Variants in MOBP observed in about 807,000 individuals in gnomAD.
MOBP encodes myelin-associated oligodendrocyte basic protein.
MOBP carries 5 observed loss-of-function variants against 15.0 expected under a neutral mutation model. The ratio of observed to expected loss-of-function variants is 0.33; its 90% confidence interval spans 0.17 to 0.70. The LOEUF (loss-of-function observed/expected upper bound fraction) is 0.70. Among genes scored for constraint, MOBP ranks in the 30% least tolerant of loss-of-function variants. The pLI is 0.67. For missense variants in MOBP, 188 were observed against 257.8 expected (o/e 0.73, Z 1.85); for synonymous variants, 88 against 99.0 (o/e 0.89, Z 0.66).
At position 39,479,825 on chromosome 3, in the gene MOBP, T is replaced by C. The variant is rs536477704; in HGVS notation, c.-88-215T>C. ...GGACATATAGCTTTTTTTTTTTCTGTATAATGTTAAGGCGGTTATTAAAAG... is the reference window on the plus strand; with the variant it reads ...GGACATATAGCTTTTTTTTTTTCTGCATAATGTTAAGGCGGTTATTAAAAG... On this transcript the variant is annotated intron_variant, in intron 1 of 3. Coordinates refer to ENST00000684792, the MANE Select transcript of MOBP (RefSeq NM_001393704.1). 3.9e-5 allele frequency among the ~76,000 whole-genome samples: 6 copies of C among 151,906 alleles called. 1 individual carries two copies. The South Asian group carries it at 1.0e-3, about 26-fold the overall frequency.
intron 4 of MOBP, among the ~76,000 whole-genome samples, chr3:39,511,102 G>A (rs983280182): frequency 1.3e-5 from 2 of 152,190 alleles, no homozygotes; most frequent in African/African-American, 4.8e-5. Flanking sequence ...AATACTATTA[G>A]AATTACTATG....
intron 1 of MOBP, among the ~76,000 whole-genome samples, chr3:39,473,866 G>A (rs1226773369): frequency 1.3e-5 from 2 of 152,186 alleles, no homozygotes; most frequent in South Asian, 2.1e-4. Flanking sequence ...TGTAATAAGG[G>A]TGCTTGAGAG....
chr3:39,502,382 G>C lies in MOBP; in HGVS notation c.206+107G>C. On this transcript the variant is annotated intron_variant, in intron 3 of 3. Coordinates refer to ENST00000684792, the MANE Select transcript of MOBP (RefSeq NM_001393704.1). This position sits in a 1 kb window ranked among gnomAD's most constrained non-coding sequence, Gnocchi z 6.3. Reference sequence around the variant, plus strand: ...CCCACTCTTCCCCCTAGTCGGCTCCGGGTTAGGCTCCGACACCGGAAGGCA... The same window carrying C: ...CCCACTCTTCCCCCTAGTCGGCTCCCGGTTAGGCTCCGACACCGGAAGGCA... 6.4e-7 allele frequency: 1 copy of C among 1,552,014 alleles called. No individual in the cohort carries two copies. Among genetic ancestry groups the C allele is most frequent in the Non-Finnish European group, 8.7e-7 (1 of 1,151,700 alleles).
intron 1 of MOBP, among the ~76,000 whole-genome samples, chr3:39,470,530 A>G (rs1050776709): frequency 6.6e-6 from 1 of 152,224 alleles, no homozygotes; most frequent in Non-Finnish European, 1.5e-5. Context: ...GAATTTATGG[A>G]TGAGATGCAT....
chr3:39,472,202 C>T (rs1162998253), intron 1 of MOBP, among the ~76,000 whole-genome samples: 1 of 152,164 alleles, frequency 6.6e-6, no homozygotes, highest in Non-Finnish European at 1.5e-5. Context: ...AAATGAATTC[C>T]TTAGATTAAC....
At chr3:39,506,051 A>G (rs781401216), downstream of MOBP, among the ~76,000 whole-genome samples, 2 of 152,062 alleles carry the variant, frequency 1.3e-5, no homozygotes, top group Non-Finnish European at 2.9e-5. Context: ...TGATGAGGCC[A>G]GTCCCCCACC....
chr3:39,482,367 C>G (rs1386386820), intron 2 of MOBP, among the ~76,000 whole-genome samples: 2 of 152,166 alleles, frequency 1.3e-5, no homozygotes, highest in African/African-American at 4.8e-5. Context: ...AAACGCACCT[C>G]TGGGTCGGGC....
intron 2 of MOBP, among the ~76,000 whole-genome samples, chr3:39,482,474 A>T (rs959636228): frequency 6.6e-6 from 1 of 151,914 alleles, no homozygotes; most frequent in Non-Finnish European, 1.5e-5. Flanking sequence ...ACATGGTGAA[A>T]CCCCGTCTCT....
At position 39,502,126 on chromosome 3, in the gene MOBP, C is replaced by G. The variant is rs375166887; in HGVS notation, c.57C>G (p.Ser19=). 7.3e-5 allele frequency: 118 copies of G among 1,614,196 alleles called. No homozygotes were observed. The African/African-American group carries it at 1.4e-3, about 20-fold the overall frequency. The change falls in exon 3 of 4, where the codon TCC becomes TCG. Residue 19 remains serine (S), a synonymous_variant. Coordinates refer to ENST00000684792, the MANE Select transcript of MOBP (RefSeq NM_001393704.1). The surrounding 1 kb of genome is among the most constrained non-coding windows in gnomAD (Gnocchi z 6.3). ...GACTCTCCAAAAACCAGAAGTACTCCGAACACTTCAGCATACACTGCTGCC... is the reference window on the plus strand; with the variant it reads ...GACTCTCCAAAAACCAGAAGTACTCGGAACACTTCAGCATACACTGCTGCC... The part of the protein sequence containing the change: ...GPRLSKNQKY[S]EHFSIHCCPP...
At chr3:39,505,706 A>G (rs537168721), downstream of MOBP, among the ~76,000 whole-genome samples, 1 of 152,348 alleles carries the variant, frequency 6.6e-6, no homozygotes, top group South Asian at 2.1e-4. Flanking sequence ...TACCTGGTCC[A>G]GACCACATGG....
chr3:39,468,963 T>TGTGTGTGTATATATACATATATAC (rs1559411774), intron 1 of MOBP, among the ~76,000 whole-genome samples: 2 of 106,254 alleles, frequency 1.9e-5, no homozygotes, highest in African/African-American at 1.2e-4. Context: ...TATATACATA[T>TGTGTGTGTATATATACATATATAC]GTGTGTGTAT....
intron 2 of MOBP, among the ~76,000 whole-genome samples, chr3:39,484,895 T>C (rs2042679501): frequency 6.6e-6 from 1 of 152,258 alleles, no homozygotes; most frequent in Non-Finnish European, 1.5e-5. Context: ...GTGTGGTTCT[T>C]GGACCACATT....
At chr3:39,485,098 T>G (rs1190274965) in intron 2 of MOBP, among the ~76,000 whole-genome samples, 1 of 152,252 alleles carries the variant, frequency 6.6e-6, no homozygotes, top group Non-Finnish European at 1.5e-5. Context: ...GCACCCAGAT[T>G]CCAAATAAAT....
chr3:39,483,755 C>T (rs1377524412), intron 2 of MOBP, among the ~76,000 whole-genome samples: 1 of 152,112 alleles, frequency 6.6e-6, no homozygotes, highest in Non-Finnish European at 1.5e-5. Context: ...TTTCTTACAC[C>T]ACAAACACTG....
exon 5 of MOBP, chr3:39,515,183 G>A (rs1441006273): frequency 6.6e-6 from 1 of 152,434 alleles, no homozygotes; most frequent in Non-Finnish European, 1.5e-5. Flanking sequence ...TTGACTTAGG[G>A]CTGCACTGTA....
At chr3:39,491,716 C>A (rs1004867732) in intron 2 of MOBP, among the ~76,000 whole-genome samples, 1 of 152,204 alleles carries the variant, frequency 6.6e-6, no homozygotes, top group East Asian at 1.9e-4. Flanking sequence ...GAGGCCAAGT[C>A]TTTGCCAGAG....
chr3:39,476,132 A>G (rs575489482), intron 1 of MOBP, among the ~76,000 whole-genome samples: 1 of 151,390 alleles, frequency 6.6e-6, no homozygotes, highest in East Asian at 1.9e-4. Flanking sequence ...CAGGAGAGAG[A>G]GAGGGAGGAG....
chr3:39,505,190 T>G (rs1438161205), downstream of MOBP, among the ~76,000 whole-genome samples: 1 of 152,214 alleles, frequency 6.6e-6, no homozygotes, highest in Non-Finnish European at 1.5e-5. Flanking sequence ...TTGGTTTCAG[T>G]GTTCTGCTTT....
At chr3:39,496,657 C>A (rs2042888542) in intron 2 of MOBP, among the ~76,000 whole-genome samples, 1 of 140,300 alleles carries the variant, frequency 7.1e-6, no homozygotes, top group Non-Finnish European at 1.5e-5. Flanking sequence ...CCACGCCCGG[C>A]TAATTTTTTT....
Sources: gnomAD v4.1 joint callset for allele counts (sites outside exome capture counted in the v4.1 genomes callset) on GRCh38, gnomAD v4.1.1 for gene constraint, Gnocchi (gnomAD v3.1) non-coding constraint, MANE v1.5 for transcripts, NCBI Gene and HGNC (gene_info 2026-07-23, HGNC 2026-07-21) for gene names.